GAB1: variants seen among roughly 807,000 people sequenced by gnomAD.
The protein encoded by GAB1 is GRB2 associated binding protein 1.
In GAB1, 19 loss-of-function variants were observed where a neutral mutation model predicts 66.5. The observed-to-expected ratio is 0.29, with a 90% confidence interval of 0.20 to 0.42. GAB1 has a LOEUF of 0.42. Among genes scored for constraint, GAB1 ranks in the 10% least tolerant of loss-of-function variants. The pLI, the probability that GAB1 is intolerant of heterozygous loss-of-function variation, is 1.00. For synonymous variants in GAB1, 294 were observed against 301.4 expected (o/e 0.98, Z 0.25); for missense variants, 732 against 858.5 (o/e 0.85, Z 1.84).
At chr4:143,373,416 T>G (rs534425852) in intron 1 of GAB1, among the ~76,000 whole-genome samples, 84 of 152,334 alleles carry the variant, frequency 5.5e-4, no homozygotes, top group Non-Finnish European at 1.1e-3. Context: ...CAAATAACTG[T>G]GAACAGCCTT....
chr4:143,397,214 T>C (rs974581002), intron 1 of GAB1, among the ~76,000 whole-genome samples: 9 of 152,164 alleles, frequency 5.9e-5, no homozygotes, highest in Non-Finnish European at 1.0e-4. Flanking sequence ...AAAGACAAGA[T>C]GCTACCAAAA....
Position 143,473,903 on chromosome 4 carries a change from CAT to C in GAB1, c.*4717_*4718del, listed in dbSNP as rs1224280524. 1 of 152,182 alleles carries C rather than the reference CAT, an allele frequency of 6.6e-6. No individual in the cohort carries two copies. The highest frequency in any genetic ancestry group is 6.5e-5 in the Admixed American group (1 of 15,276). 9.4% of individuals were successfully genotyped at this position (152,182 alleles called of 1,614,324 possible). ...GCTATCTTCTTCAAGATTATTTTCT[CAT>C]ATGTCTGTCTGTCACCTTGTAAACC... On this transcript the variant is annotated 3_prime_UTR_variant, in exon 10 of 10. Coordinates refer to ENST00000262994, the MANE Select transcript of GAB1 (RefSeq NM_002039.4).
At chr4:143,376,476 A>G (rs1306554260) in intron 1 of GAB1, among the ~76,000 whole-genome samples, 1 of 152,230 alleles carries the variant, frequency 6.6e-6, no homozygotes, top group Non-Finnish European at 1.5e-5. Flanking sequence ...TCTGGGCTTC[A>G]TATGAGGCTA....
chr4:143,443,092 C>CT (rs1485106670), intron 6 of GAB1, among the ~76,000 whole-genome samples: 2 of 150,120 alleles, frequency 1.3e-5, no homozygotes, highest in African/African-American at 2.5e-5. Context: ...TCTCGGCTCA[C>CT]TGCAAGCTCC....
chr4:143,456,611 C>T (rs1210723322), intron 6 of GAB1, among the ~76,000 whole-genome samples: 1 of 152,106 alleles, frequency 6.6e-6, no homozygotes, highest in African/African-American at 2.4e-5. Flanking sequence ...TCTGAATAAA[C>T]TCAATGTATT....
chr4:143,379,295 C>CA (rs1275138427), intron 1 of GAB1, among the ~76,000 whole-genome samples: 1 of 152,048 alleles, frequency 6.6e-6, no homozygotes, highest in African/African-American at 2.4e-5. Context: ...CTTAGAGATA[C>CA]AAAAAATAGA....
intron 8 of GAB1, among the ~76,000 whole-genome samples, chr4:143,462,231 CTAT>C (rs919252018): frequency 6.6e-6 from 1 of 151,942 alleles, no homozygotes; most frequent in Non-Finnish European, 1.5e-5. Context: ...GAGTGGAGTT[CTAT>C]TATTATTATT....
At chr4:143,421,701 T>TTG (rs1296707662) in intron 2 of GAB1, among the ~76,000 whole-genome samples, 2 of 147,478 alleles carry the variant, frequency 1.4e-5, no homozygotes, top group Admixed American at 6.7e-5. Context: ...TTCTTTTCTT[T>TTG]TTTTTTTTTT....
chr4:143,423,936 A>G (rs1183666214), intron 2 of GAB1, among the ~76,000 whole-genome samples: 1 of 150,536 alleles, frequency 6.6e-6, no homozygotes, highest in Non-Finnish European at 1.5e-5. Context: ...TTGCAGGTAT[A>G]AAGAGGGTAA....
At chr4:143,449,559 T>C in intron 6 of GAB1, among the ~76,000 whole-genome samples, 1 of 151,932 alleles carries the variant, frequency 6.6e-6, no homozygotes, top group Non-Finnish European at 1.5e-5. Context: ...CTTCTTTGTC[T>C]CTTTTGATCT....
At chr4:143,421,524 TGA>T (rs996062580) in intron 2 of GAB1, among the ~76,000 whole-genome samples, 10 of 152,124 alleles carry the variant, frequency 6.6e-5, no homozygotes, top group African/African-American at 2.4e-4. Flanking sequence ...CAGCAGCGTG[TGA>T]GAGTTTACTT....
At chr4:143,411,433 T>A (rs1732384420) in intron 1 of GAB1, among the ~76,000 whole-genome samples, 1 of 152,234 alleles carries the variant, frequency 6.6e-6, no homozygotes, top group Admixed American at 6.5e-5. Context: ...CTTCATTACC[T>A]GCTCGTAATG....
chr4:143,351,558 C>A (rs1298059755), intron 1 of GAB1, among the ~76,000 whole-genome samples: 1 of 152,110 alleles, frequency 6.6e-6, no homozygotes, highest in Non-Finnish European at 1.5e-5. Context: ...GGAAAGGTGA[C>A]CTTTCGGCGG....
intron 1 of GAB1, among the ~76,000 whole-genome samples, chr4:143,354,073 C>CTG (rs1239272667): frequency 6.6e-6 from 1 of 152,166 alleles, no homozygotes; most frequent in African/African-American, 2.4e-5. Context: ...TTGCTGTATG[C>CTG]TGGTGGAGAC....
chr4:143,415,848 T>G lies in GAB1; in HGVS notation c.367+77T>G, dbSNP rs539289673. 6.4e-5 allele frequency: 71 copies of G among 1,106,362 alleles called. 1 individual carries two copies. The Admixed American group carries it at 1.5e-3, about 23-fold the overall frequency. The allele number at this position is 1,106,362 out of a possible 1,614,324, so 68.5% of individuals were successfully genotyped here. ...TCCAGAAATGTCATACAATTCTTTGTTATTTTAGTTACACAATATAATGTT... is the reference window on the plus strand; with the variant it reads ...TCCAGAAATGTCATACAATTCTTTGGTATTTTAGTTACACAATATAATGTT... On this transcript the variant is annotated intron_variant, in intron 2 of 9. Transcript: ENST00000262994.
At chr4:143,361,026 G>T (rs1028295448) in intron 1 of GAB1, among the ~76,000 whole-genome samples, 2 of 152,124 alleles carry the variant, frequency 1.3e-5, no homozygotes, top group African/African-American at 2.4e-5. Context: ...AACATAAAGT[G>T]CTGCTACTGA....
chr4:143,465,587 T>G (rs566875614), intron 8 of GAB1, among the ~76,000 whole-genome samples: 11 of 152,280 alleles, frequency 7.2e-5, no homozygotes, highest in Admixed American at 1.3e-4. Flanking sequence ...TAATTTTCCT[T>G]CTCTCTTAAA....
At chr4:143,382,057 TATACTA>T (rs1423698867) in intron 1 of GAB1, 4 of 152,258 alleles carry the variant, frequency 2.6e-5, no homozygotes, top group African/African-American at 9.6e-5. Flanking sequence ...CAATCATTTT[TATACTA>T]ATAGATTGGA....
At chr4:143,371,971 T>C (rs1730141474) in intron 1 of GAB1, among the ~76,000 whole-genome samples, 2 of 152,196 alleles carry the variant, frequency 1.3e-5, no homozygotes, top group South Asian at 4.1e-4. Flanking sequence ...AAATACAGAC[T>C]TCCTGTTCAT....
Sources: gnomAD v4.1 joint callset for allele counts (sites outside exome capture counted in the v4.1 genomes callset) on GRCh38, gnomAD v4.1.1 for gene constraint, MANE v1.5 for transcripts, NCBI Gene and HGNC (gene_info 2026-07-23, HGNC 2026-07-21) for gene names.